The following GNAL variants were observed in gnomAD, a reference collection of about 807,000 sequenced individuals.
The protein encoded by GNAL is G protein subunit alpha L, also known as guanine nucleotide-binding protein G(olf) subunit alpha.
In GNAL, 18 loss-of-function variants were observed where a neutral mutation model predicts 55.1. The observed-to-expected ratio is 0.33, with a 90% CI of 0.23 to 0.48. GNAL has a LOEUF of 0.48. Among genes scored for constraint, GNAL ranks in the 20% least tolerant of loss-of-function variants. The pLI is 0.99. For synonymous variants in GNAL, 253 were observed against 237.0 expected, an observed-to-expected ratio of 1.07 and a Z score of -0.62; for missense variants, 412 against 614.1, an observed-to-expected ratio of 0.67 and a Z score of 3.48.
At chr18:11,738,797 C>T (rs932735513) in intron 1 of GNAL, among the ~76,000 whole-genome samples, 1 of 152,102 alleles carries the variant, frequency 6.6e-6, no homozygotes, top group African/African-American at 2.4e-5. Flanking sequence ...GGAGGAGGCA[C>T]TCCTTCCAGG....
At position 11,696,373 on chromosome 18, in the gene GNAL, C is replaced by T. The variant is rs541617297; in HGVS notation, c.376+6434C>T. On this transcript the variant is annotated intron_variant, in intron 1 of 11. Coordinates refer to ENST00000334049, the MANE Select transcript of GNAL (RefSeq NM_182978.4). Reference sequence around the variant, plus strand: ...AAAAAAAATTAGCCAGGCATGGTGGCGGGCACCTGTAGTCCCAGCTACTCG... The same window carrying T: ...AAAAAAAATTAGCCAGGCATGGTGGTGGGCACCTGTAGTCCCAGCTACTCG... Among the ~76,000 whole-genome samples, 15 of 151,910 alleles carry T rather than the reference C, an allele frequency of 9.9e-5. No homozygotes were observed. The East Asian group carries it at 1.2e-3, about 12-fold the overall frequency.
intron 11 of GNAL, 147 bp downstream of exon 11, chr18:11,876,835 C>T: frequency 1.5e-6 from 1 of 649,470 alleles, no homozygotes; most frequent in Admixed American, 2.5e-5. Context: ...AATTTCACAG[C>T]TGAGCACACC....
chr18:11,803,499 G>A (rs1470689426), intron 4 of GNAL, among the ~76,000 whole-genome samples: 5 of 152,314 alleles, frequency 3.3e-5, no homozygotes, highest in South Asian at 2.1e-4. Flanking sequence ...GCATTGGGTT[G>A]CTTGGGGTTT....
At chr18:11,768,853 C>T (rs1187774956) in intron 4 of GNAL, among the ~76,000 whole-genome samples, 1 of 143,176 alleles carries the variant, frequency 7.0e-6, no homozygotes, top group Non-Finnish European at 1.5e-5. Flanking sequence ...GAGATCACGC[C>T]ACTGCACTCC....
At chr18:11,827,606 C>T (rs763413829) in intron 5 of GNAL, among the ~76,000 whole-genome samples, 15 of 151,732 alleles carry the variant, frequency 9.9e-5, no homozygotes, top group Admixed American at 2.0e-4. Context: ...GAGCAAGGCT[C>T]GTCTCAAAAA....
intron 4 of GNAL, among the ~76,000 whole-genome samples, chr18:11,760,898 A>G (rs558078937): frequency 6.6e-6 from 1 of 152,292 alleles, no homozygotes; most frequent in South Asian, 2.1e-4. Flanking sequence ...CCTTTTCTCA[A>G]TGGTACAGTA....
Position 11,881,351 on chromosome 18 carries a change from A to C in GNAL, c.*216A>C, listed in dbSNP as rs1598455697. The C allele has an allele frequency of 3.9e-5, 16 of 414,520 alleles. No individual in the cohort carries two copies. The highest frequency in any genetic ancestry group is 5.7e-5 in the Non-Finnish European group (13 of 229,412). The allele number at this position is 414,520 out of a possible 1,614,324, so 25.7% of individuals were successfully genotyped here. On this transcript the variant is annotated 3_prime_UTR_variant, in exon 12 of 12. Coordinates refer to ENST00000334049, the MANE Select transcript of GNAL (RefSeq NM_182978.4). The surrounding 1 kb of genome is among the most constrained non-coding windows in gnomAD (Gnocchi z 4.8). ...GCCTCCCGCAGCATCCCACCCCCAA[A>C]CCACCGACTCTCATTGCCGACACTG...
intron 5 of GNAL, among the ~76,000 whole-genome samples, chr18:11,855,949 G>C (rs935263045): frequency 2.7e-5 from 4 of 150,804 alleles, no homozygotes; most frequent in Non-Finnish European, 5.9e-5. Flanking sequence ...TCCAGCCTGG[G>C]CAACAAGAGC....
intron 4 of GNAL, among the ~76,000 whole-genome samples, chr18:11,791,851 C>G (rs767708608): frequency 6.6e-6 from 1 of 152,136 alleles, no homozygotes; most frequent in African/African-American, 2.4e-5. Context: ...CGAGAACTCC[C>G]GAGGGTCTGC....
At position 11,751,653 on chromosome 18, in the gene GNAL, G is replaced by A; in HGVS notation, c.377-1200G>A. On this transcript the variant is annotated intron_variant, in intron 1 of 11. Coordinates refer to ENST00000334049, the MANE Select transcript of GNAL (RefSeq NM_182978.4). The surrounding 1 kb of genome is among the most constrained non-coding windows in gnomAD (Gnocchi z 4.5). ...CCGGCTCGGGGTGCAAGAGAGCCAGGCGGCCGCGGCGCAGCGGAGGGGCTG... is the reference window on the plus strand; with the variant it reads ...CCGGCTCGGGGTGCAAGAGAGCCAGACGGCCGCGGCGCAGCGGAGGGGCTG... The A allele has an allele frequency of 7.1e-6, 7 of 985,440 alleles. No individual in the cohort carries two copies. Among genetic ancestry groups the A allele is most frequent in the Non-Finnish European group, 8.4e-6 (7 of 829,958 alleles). 61.0% of individuals were successfully genotyped at this position (985,440 alleles called of 1,614,324 possible). A position where few individuals can be genotyped will look rare whatever the true frequency, so the allele number is the denominator to read the frequency against.
At chr18:11,774,578 T>C (rs903918941) in intron 4 of GNAL, among the ~76,000 whole-genome samples, 1 of 152,084 alleles carries the variant, frequency 6.6e-6, no homozygotes, top group African/African-American at 2.4e-5. Flanking sequence ...AGCAATCTTA[T>C]GGGTGGAGAA....
intron 1 of GNAL, among the ~76,000 whole-genome samples, chr18:11,708,004 G>A (rs2031753637): frequency 6.6e-6 from 1 of 152,206 alleles, no homozygotes; most frequent in Admixed American, 6.5e-5. Flanking sequence ...GAATGCTGTG[G>A]CTGTTTTAAT....
At chr18:11,872,620 C>T (rs1254785404) in intron 10 of GNAL, among the ~76,000 whole-genome samples, 6 of 152,110 alleles carry the variant, frequency 3.9e-5, no homozygotes, top group East Asian at 3.9e-4. Flanking sequence ...CCATTGAAAC[C>T]GTGCAGCAGA....
chr18:11,723,045 G>C (rs1005478857), intron 1 of GNAL, among the ~76,000 whole-genome samples: 3 of 150,024 alleles, frequency 2.0e-5, no homozygotes, highest in African/African-American at 7.4e-5. Flanking sequence ...TTAGCCTGGC[G>C]TGGTGGCACA....
Position 11,689,848 on chromosome 18 carries a change from C to G in GNAL, c.285C>G (p.Val95=). 1 of 1,532,150 alleles carries G rather than the reference C, an allele frequency of 6.5e-7. No homozygotes were observed. Among genetic ancestry groups the G allele is most frequent in the South Asian group, 1.2e-5 (1 of 82,478 alleles). The allele number at this position is 1,532,150 out of a possible 1,614,324, so 94.9% of individuals were successfully genotyped here. The change falls in exon 1 of 12, where the codon GTC becomes GTG. Residue 95 remains valine (V), a synonymous_variant. Transcript: ENST00000334049. ...AGGCGGCCAAGGAGCGCGAGGCGGT[C>G]AAGGAGGCGAGGAAAGTGAGCCGGG... ...EREAAKEREA[V]KEARKVSRGI...
At chr18:11,720,542 C>T (rs1225153766) in intron 1 of GNAL, among the ~76,000 whole-genome samples, 1 of 152,196 alleles carries the variant, frequency 6.6e-6, no homozygotes, top group East Asian at 1.9e-4. Flanking sequence ...TGTCAGTCCA[C>T]AAGCTTGTGA....
rs371326311 is a variant in GNAL, at chr18:11,846,630, C to T, written c.723-15765C>T. 2.0e-5 allele frequency among the ~76,000 whole-genome samples: 3 copies of T among 151,848 alleles called. No individual in the cohort carries two copies. The East Asian group carries it at 5.8e-4, about 29-fold the overall frequency. ...TACAGGCACATGCTACCATGCCCAG[C>T]TAATTTTTATTTTTTATTTTTTGTA... is the stretch of plus-strand genomic sequence containing the variant. On this transcript the variant is annotated intron_variant, in intron 5 of 11. Transcript: ENST00000334049.
intron 4 of GNAL, among the ~76,000 whole-genome samples, chr18:11,806,049 A>G (rs59624432): frequency 0.065 from 9,908 of 152,302 alleles, 477 homozygotes; most frequent in African/African-American, 0.13. Flanking sequence ...TCTGACTGCT[A>G]TAAGATGATA....
intron 1 of GNAL, among the ~76,000 whole-genome samples, chr18:11,701,685 C>T (rs114622237): frequency 0.011 from 1,744 of 152,132 alleles, 34 homozygotes; most frequent in African/African-American, 0.039. Flanking sequence ...CATCAAGGAG[C>T]TGCTGAAAGA....
Sources: allele counts gnomAD v4.1 joint callset (sites outside exome capture counted in the v4.1 genomes callset), GRCh38; gene constraint gnomAD v4.1.1; non-coding constraint Gnocchi (gnomAD v3.1); transcripts MANE v1.5; gene names NCBI Gene and HGNC (gene_info 2026-07-23, HGNC 2026-07-21).